Variants in RORA observed in about 807,000 individuals in gnomAD.
RORA encodes the protein RAR related orphan receptor A.
RORA carries 7 observed loss-of-function variants against 69.5 expected under a neutral mutation model. That is an observed-to-expected ratio of 0.10 (90% CI 0.06 to 0.19). The LOEUF (loss-of-function observed/expected upper bound fraction) is 0.19, where lower values mean the gene tolerates loss of function less well. Among genes scored for constraint, RORA ranks in the 10% least tolerant of loss-of-function variants. RORA has a pLI of 1.00. For synonymous variants in RORA, 261 were observed against 240.8 expected (o/e 1.08, Z -0.78); for missense variants, 457 against 663.0 (o/e 0.69, Z 3.41).
chr15:60,823,106 C>T (rs2072914175), intron 1 of RORA, among the ~76,000 whole-genome samples: 2 of 16,180 alleles, frequency 1.2e-4, no homozygotes, highest in African/African-American at 3.3e-4. Context: ...CTTCATTCTT[C>T]TCTTTCTCTC....
intron 1 of RORA, among the ~76,000 whole-genome samples, chr15:60,874,356 T>C (rs538123147): frequency 6.6e-6 from 1 of 152,350 alleles, no homozygotes; most frequent in South Asian, 2.1e-4. Context: ...GTGCTGGGAA[T>C]ACAGCAGTAA....
At chr15:60,672,662 C>G (rs1596114282) in intron 2 of RORA, among the ~76,000 whole-genome samples, 1 of 152,204 alleles carries the variant, frequency 6.6e-6, no homozygotes, top group Admixed American at 6.5e-5. Flanking sequence ...TTTCACTTCT[C>G]TAAGCTACTT....
At chr15:60,541,145 A>T (rs1030121347) in intron 2 of RORA, among the ~76,000 whole-genome samples, 2 of 152,226 alleles carry the variant, frequency 1.3e-5, no homozygotes, top group South Asian at 2.1e-4. Context: ...AAATGTTTTC[A>T]TATTAACCAC....
chr15:61,073,930 C>A (rs1344277048), intron 1 of RORA, among the ~76,000 whole-genome samples: 1 of 152,318 alleles, frequency 6.6e-6, no homozygotes, highest in East Asian at 1.9e-4. Context: ...GAATAACAAG[C>A]AGTCCATTTT....
At chr15:61,141,191 C>T (rs936000638) in intron 1 of RORA, among the ~76,000 whole-genome samples, 6 of 152,148 alleles carry the variant, frequency 3.9e-5, no homozygotes, top group Admixed American at 2.6e-4. Context: ...CAAAGAGGTG[C>T]AATATTGACT....
At chr15:61,067,768 T>G (rs1179357583) in intron 1 of RORA, among the ~76,000 whole-genome samples, 2 of 152,204 alleles carry the variant, frequency 1.3e-5, no homozygotes, top group Non-Finnish European at 2.9e-5. Flanking sequence ...CAAGTCCAAG[T>G]TTATGCAGTC....
At chr15:60,849,003 G>A (rs1412448968) in intron 1 of RORA, 1 of 152,172 alleles carries the variant, frequency 6.6e-6, no homozygotes, top group Non-Finnish European at 1.5e-5. Context: ...AACATTTGTG[G>A]TTATTTGTTA....
chr15:60,604,028 G>A (rs1330190785), intron 2 of RORA, among the ~76,000 whole-genome samples: 2 of 151,568 alleles, frequency 1.3e-5, no homozygotes, highest in African/African-American at 2.4e-5. Flanking sequence ...ATCTACGCAG[G>A]AGGCTGAGGC....
chr15:60,875,399 G>T (rs2073602421), intron 1 of RORA, among the ~76,000 whole-genome samples: 1 of 152,144 alleles, frequency 6.6e-6, no homozygotes, highest in Non-Finnish European at 1.5e-5. Context: ...ATTTTATGTA[G>T]CAGTGAACTT....
intron 2 of RORA, among the ~76,000 whole-genome samples, chr15:60,644,567 A>C (rs2070003835): frequency 1.3e-5 from 2 of 152,252 alleles, no homozygotes; most frequent in African/African-American, 4.8e-5. Context: ...GTAAACATGC[A>C]GAGACATGGT....
intron 2 of RORA, among the ~76,000 whole-genome samples, chr15:60,665,403 C>T (rs995207972): frequency 1.3e-5 from 2 of 152,168 alleles, no homozygotes; most frequent in African/African-American, 4.8e-5. Context: ...ATGGATAATG[C>T]AAACAAATGG....
chr15:60,824,954 C>T (rs1158058173), intron 1 of RORA, among the ~76,000 whole-genome samples: 6 of 152,184 alleles, frequency 3.9e-5, no homozygotes, highest in Admixed American at 1.3e-4. Context: ...TATAAAATAT[C>T]ATAAAGACAG....
At chr15:60,631,956 G>A (rs1001492343) in intron 2 of RORA, among the ~76,000 whole-genome samples, 4 of 152,188 alleles carry the variant, frequency 2.6e-5, no homozygotes, top group East Asian at 1.9e-4. Flanking sequence ...TCTTCTCCGG[G>A]TTTAATAGAA....
At chr15:60,836,764 T>C (rs2073121579) in intron 1 of RORA, among the ~76,000 whole-genome samples, 1 of 152,204 alleles carries the variant, frequency 6.6e-6, no homozygotes, top group African/African-American at 2.4e-5. Context: ...CTCTTCATCA[T>C]AGCTCATGTC....
At chr15:60,656,918 C>T (rs1309450436) in intron 2 of RORA, among the ~76,000 whole-genome samples, 1 of 152,194 alleles carries the variant, frequency 6.6e-6, no homozygotes, top group African/African-American at 2.4e-5. Context: ...TGGGACCCAA[C>T]TACAAAGTAA....
chr15:60,515,931 A>ATATATATTTATATATATT (rs1555424756), intron 3 of RORA, among the ~76,000 whole-genome samples: 2 of 18,498 alleles, frequency 1.1e-4, no homozygotes, highest in Non-Finnish European at 1.7e-4. Context: ...ATATATTTAT[A>ATATATATTTATATATATT]TATATATTTA....
intron 1 of RORA, among the ~76,000 whole-genome samples, chr15:60,864,776 C>T (rs545739638): frequency 1.3e-5 from 2 of 152,248 alleles, no homozygotes; most frequent in East Asian, 3.9e-4. Flanking sequence ...GACAGGAGCC[C>T]CATGAAGAGG....
chr15:61,141,120 G>A (rs2079293912), intron 1 of RORA, among the ~76,000 whole-genome samples: 1 of 152,072 alleles, frequency 6.6e-6, no homozygotes, highest in Admixed American at 6.5e-5. Context: ...ACTGATCAAG[G>A]AGTTCTGTCT....
rs536038594 is a variant in RORA at position 60,863,803 on chromosome 15, G to A, written c.167-185117C>T. Among the ~76,000 whole-genome samples the A allele has an allele frequency of 1.2e-3, 113 of 95,142 alleles. 1 individual carries two copies. Among genetic ancestry groups the A allele is most frequent in the African/African-American group, 3.7e-3 (109 of 29,820 alleles). The allele number at this position is 95,142 out of a possible 152,430, so 62.4% of individuals were successfully genotyped here. A position where few individuals can be genotyped will look rare whatever the true frequency, so the allele number is the denominator to read the frequency against. ...AGAAGATTATGCATGCCAACTGTCA[G>A]AATCTTTTTTTTTTTTTTTTTGAGA... On this transcript the variant is annotated intron_variant, in intron 1 of 10. Coordinates refer to ENST00000335670, the MANE Select transcript of RORA (RefSeq NM_134261.3).
Sources: allele counts gnomAD v4.1 joint callset (sites outside exome capture counted in the v4.1 genomes callset), GRCh38; gene constraint gnomAD v4.1.1; transcripts MANE v1.5; gene names NCBI Gene and HGNC (gene_info 2026-07-23, HGNC 2026-07-21).